Variants in SOX6 observed in about 807,000 individuals in gnomAD.
SOX6 encodes the protein SRY-box transcription factor 6, also known as transcription factor SOX-6.
A neutral mutation model predicts 97.8 loss-of-function variants in SOX6; 11 were observed. That is an observed-to-expected ratio of 0.11 (90% CI 0.07 to 0.19). The LOEUF (loss-of-function observed/expected upper bound fraction) is 0.19. Ranked by LOEUF, SOX6 falls within the 10% of genes least tolerant of loss-of-function variation. The pLI, the probability that SOX6 is intolerant of heterozygous loss-of-function variation, is 1.00. For synonymous variants in SOX6, 360 were observed against 371.4 expected (o/e 0.97, Z 0.35); for missense variants, 810 against 1,039.5 (o/e 0.78, Z 3.04).
intron 12 of SOX6, among the ~76,000 whole-genome samples, chr11:16,030,586 G>A (rs534479084): frequency 8.4e-4 from 128 of 152,176 alleles, no homozygotes; most frequent in Non-Finnish European, 1.3e-3. Context: ...AATGATTCTG[G>A]AAAACCAGTT....
At chr11:16,685,147 C>T (rs73419096) in intron 3 of SOX6, among the ~76,000 whole-genome samples, 3,523 of 152,218 alleles carry the variant, frequency 0.023, 140 homozygotes, top group African/African-American at 0.08. Flanking sequence ...GACATATATT[C>T]AAACTATATC....
At chr11:16,615,350 A>G (rs2133985290) in intron 3 of SOX6, among the ~76,000 whole-genome samples, 1 of 152,346 alleles carries the variant, frequency 6.6e-6, no homozygotes, top group Admixed American at 6.5e-5. Flanking sequence ...TTTGCCATAC[A>G]TAATCCTGGC....
chr11:16,090,958 AG>A (rs896322250), intron 9 of SOX6, among the ~76,000 whole-genome samples: 17 of 152,256 alleles, frequency 1.1e-4, no homozygotes, highest in African/African-American at 4.1e-4. Context: ...ATCATTTATA[AG>A]AACCCTGAGA....
At chr11:16,273,235 A>T (rs2134232369) in intron 3 of SOX6, among the ~76,000 whole-genome samples, 1 of 152,130 alleles carries the variant, frequency 6.6e-6, no homozygotes, top group Middle Eastern at 3.4e-3. Context: ...GATGTGCGTG[A>T]GTCAACAAAA....
intron 1 of SOX6, among the ~76,000 whole-genome samples, chr11:16,363,524 G>C (rs1383215204): frequency 6.6e-6 from 1 of 152,126 alleles, no homozygotes; most frequent in East Asian, 1.9e-4. Context: ...CTGTATTAAA[G>C]ATGTAGAAAC....
chr11:16,192,816 T>G (rs1949483), intron 4 of SOX6, among the ~76,000 whole-genome samples: 87,666 of 151,952 alleles, frequency 0.58, 26,091 homozygotes, highest in East Asian at 0.75. Context: ...AAGTTAGCAC[T>G]ACAGTCTGCT....
chr11:16,363,664 C>T (rs1435242729), intron 1 of SOX6, among the ~76,000 whole-genome samples: 2 of 152,054 alleles, frequency 1.3e-5, no homozygotes, highest in South Asian at 4.1e-4. Flanking sequence ...TTAATGACTA[C>T]TTGGTTACTA....
intron 4 of SOX6, among the ~76,000 whole-genome samples, chr11:16,502,783 G>C (rs1360540605): frequency 1.3e-5 from 2 of 152,014 alleles, no homozygotes; most frequent in Non-Finnish European, 2.9e-5. Context: ...AAAACAAACA[G>C]GATAGAAAAC....
chr11:16,209,700 C>T (rs752582385), intron 4 of SOX6, among the ~76,000 whole-genome samples: 2 of 152,070 alleles, frequency 1.3e-5, no homozygotes, highest in African/African-American at 4.8e-5. Context: ...TGGTAGTGAG[C>T]TAAGCTCGTA....
At chr11:16,126,611 A>G (rs955769041) in intron 6 of SOX6, among the ~76,000 whole-genome samples, 17 of 152,078 alleles carry the variant, frequency 1.1e-4, no homozygotes, top group African/African-American at 4.1e-4. Flanking sequence ...ACAAACACAT[A>G]ATTTGTTTAT....
chr11:16,077,794 T>G (rs184550860), intron 9 of SOX6, among the ~76,000 whole-genome samples: 303 of 152,218 alleles, frequency 2.0e-3, no homozygotes, highest in African/African-American at 6.8e-3. Context: ...CAACAGACAC[T>G]GGGGCCTACT....
intron 3 of SOX6, among the ~76,000 whole-genome samples, chr11:16,258,915 C>A (rs1038935277): frequency 4.6e-5 from 7 of 151,522 alleles, no homozygotes; most frequent in Non-Finnish European, 7.4e-5. Flanking sequence ...TATACACACA[C>A]ATACATATAT....
intron 1 of SOX6, among the ~76,000 whole-genome samples, chr11:16,393,603 A>C (rs2134429951): frequency 6.6e-6 from 1 of 152,078 alleles, no homozygotes; most frequent in East Asian, 1.9e-4. Flanking sequence ...ATTTACTAAA[A>C]ATTATGCTAT....
chr11:16,152,639 A>C (rs1236847327), intron 6 of SOX6, among the ~76,000 whole-genome samples: 1 of 152,212 alleles, frequency 6.6e-6, no homozygotes, highest in African/African-American at 2.4e-5. Context: ...ATTAACTAAC[A>C]GATATTACAT....
In SOX6 at chr11:15,989,243, G is replaced by A; in HGVS notation, c.1733-13C>T. The A allele has an allele frequency of 1.3e-6, 2 of 1,579,960 alleles. No individual in the cohort carries two copies. Among genetic ancestry groups the A allele is most frequent in the Non-Finnish European group, 8.6e-7 (1 of 1,156,922 alleles). ...ATTGCTTTACTTCCTGTAATGTCAG[G>A]GCAGGAAGAACAAGATGAGTGGAAA... On this transcript the variant is annotated splice_polypyrimidine_tract_variant and intron_variant, in intron 13 of 15. Coordinates refer to ENST00000683767, the MANE Select transcript of SOX6 (RefSeq NM_001367873.1).
intron 4 of SOX6, among the ~76,000 whole-genome samples, chr11:16,198,036 GTTGTTGTTGTTGTTGTTGT>G (rs1851831613): frequency 3.3e-5 from 1 of 29,854 alleles, no homozygotes; most frequent in South Asian, 1.5e-3. Flanking sequence ...TGTTGTTGTT[GTTGTTGTTGTTGTTGTTGT>G]TGTTGTTGTT....
chr11:16,015,171 G>A, intron 12 of SOX6, 121 bp from the exon 13 acceptor site: 1 of 843,486 alleles, frequency 1.2e-6, no homozygotes, highest in Admixed American at 2.0e-5. Context: ...TGACCAATGT[G>A]GACTCTGAAA....
chr11:16,280,831 T>C (rs557346564), intron 3 of SOX6, among the ~76,000 whole-genome samples: 3 of 152,294 alleles, frequency 2.0e-5, no homozygotes, highest in African/African-American at 4.8e-5. Flanking sequence ...TCAATATGCA[T>C]ATATAAGGAC....
At chr11:15,997,601 C>T (rs1008428963) in intron 13 of SOX6, among the ~76,000 whole-genome samples, 1 of 152,064 alleles carries the variant, frequency 6.6e-6, no homozygotes, top group African/African-American at 2.4e-5. Flanking sequence ...ACAATAGATT[C>T]AGAAAATGGT....
Sources: gnomAD v4.1 joint callset for allele counts (sites outside exome capture counted in the v4.1 genomes callset) on GRCh38, gnomAD v4.1.1 for gene constraint, MANE v1.5 for transcripts, NCBI Gene and HGNC (gene_info 2026-07-23, HGNC 2026-07-21) for gene names.